DCDC2: variants seen among roughly 807,000 people sequenced by gnomAD.
DCDC2 encodes the protein doublecortin domain containing 2, also known as doublecortin domain-containing protein 2.
DCDC2 carries 40 observed loss-of-function variants against 50.2 expected under a neutral mutation model. That is an observed-to-expected ratio of 0.80 (90% confidence interval 0.62 to 1.04). The LOEUF is 1.04. Among genes scored for constraint, DCDC2 ranks in the 50% least tolerant of loss-of-function variants. DCDC2 has a pLI of 0.00. For synonymous variants in DCDC2, 234 were observed against 210.6 expected (o/e 1.11, Z -0.96); for missense variants, 570 against 581.9 (o/e 0.98, Z 0.21).
At chr6:24,209,407 T>C (rs1433936336) in intron 7 of DCDC2, among the ~76,000 whole-genome samples, 1 of 152,190 alleles carries the variant, frequency 6.6e-6, no homozygotes, top group African/African-American at 2.4e-5. Context: ...CCACGACTCA[T>C]GAAGGGTGAG....
chr6:24,237,629 T>C (rs375768793), intron 7 of DCDC2, among the ~76,000 whole-genome samples: 24 of 152,332 alleles, frequency 1.6e-4, no homozygotes, highest in African/African-American at 5.1e-4. Flanking sequence ...TGTATGTTCA[T>C]TGCAGGACTA....
At position 24,174,605 on chromosome 6, in the gene DCDC2, A is replaced by T; in HGVS notation, c.*125T>A. 1.7e-6 allele frequency: 1 copy of T among 581,982 alleles called. No homozygotes were observed. 36.1% of individuals were successfully genotyped at this position (581,982 alleles called of 1,614,324 possible). On this transcript the variant is annotated 3_prime_UTR_variant, in exon 10 of 10. Transcript: ENST00000378454. Reference sequence around the variant, plus strand: ...GTCTTTCCACTAGGCTTCTAATGTTATAATTCGTAGGTAGTATTCGACCAT... The same window carrying T: ...GTCTTTCCACTAGGCTTCTAATGTTTTAATTCGTAGGTAGTATTCGACCAT...
intron 8 of DCDC2, among the ~76,000 whole-genome samples, chr6:24,182,156 A>T (rs543154780): frequency 1.3e-5 from 2 of 152,346 alleles, no homozygotes; most frequent in East Asian, 3.9e-4. Flanking sequence ...TGTACAAAAA[A>T]TAGCTTCAAA....
intron 6 of DCDC2, among the ~76,000 whole-genome samples, chr6:24,284,855 C>G (rs1763560292): frequency 6.6e-6 from 1 of 152,108 alleles, no homozygotes. Context: ...CCGGCCTCAT[C>G]CCTGGCACAA....
chr6:24,369,525 G>A, the DCDC2 span, among the ~76,000 whole-genome samples: 35 of 150,802 alleles, frequency 2.3e-4, no homozygotes, highest in African/African-American at 7.5e-4. Context: ...CAAGAGAATC[G>A]CTTGAACCTG....
chr6:24,202,215 T>C (rs1761604569), intron 8 of DCDC2, among the ~76,000 whole-genome samples: 1 of 152,182 alleles, frequency 6.6e-6, no homozygotes, highest in South Asian at 2.1e-4. Flanking sequence ...CTGATGAATA[T>C]TGACACCAAA....
At chr6:24,311,708 G>A (rs550387678) in intron 2 of DCDC2, among the ~76,000 whole-genome samples, 2 of 152,240 alleles carry the variant, frequency 1.3e-5, no homozygotes, top group African/African-American at 4.8e-5. Context: ...ATCTCTCAAG[G>A]TCATGCAGTA....
intron 3 of DCDC2, 41 bp from the exon 4 acceptor site, chr6:24,301,887 T>G (rs1278727622): frequency 5.6e-6 from 9 of 1,613,470 alleles, no homozygotes; most frequent in Non-Finnish European, 7.6e-6. Context: ...AGTTATGCCT[T>G]GAAAACTACA....
At chr6:24,273,694 G>A (rs1443904395) in intron 7 of DCDC2, among the ~76,000 whole-genome samples, 1 of 152,198 alleles carries the variant, frequency 6.6e-6, no homozygotes, top group Non-Finnish European at 1.5e-5. Context: ...AAGTGCCTGG[G>A]TTGATTCATG....
chr6:24,244,337 A>T (rs182865161), intron 7 of DCDC2, among the ~76,000 whole-genome samples: 1 of 152,368 alleles, frequency 6.6e-6, no homozygotes, highest in African/African-American at 2.4e-5. Context: ...TCTTCAAAAA[A>T]GTATGTGATT....
chr6:24,355,308 A>G (rs1186964729), intron 1 of DCDC2, among the ~76,000 whole-genome samples: 1 of 152,142 alleles, frequency 6.6e-6, no homozygotes, highest in Non-Finnish European at 1.5e-5. Flanking sequence ...GGTAGGATCA[A>G]ATAAACAAAA....
intron 7 of DCDC2, among the ~76,000 whole-genome samples, chr6:24,206,215 C>A (rs1292112507): frequency 6.6e-6 from 1 of 152,026 alleles, no homozygotes; most frequent in Non-Finnish European, 1.5e-5. Context: ...AGGAGACAGC[C>A]TAAGATATGA....
the DCDC2 span, among the ~76,000 whole-genome samples, chr6:24,379,285 A>G: frequency 1.6e-4 from 25 of 152,338 alleles, no homozygotes; most frequent in South Asian, 3.5e-3. Flanking sequence ...TTTGCAATCT[A>G]TCCATCTGAC....
At chr6:24,239,460 C>T (rs143979744) in intron 7 of DCDC2, among the ~76,000 whole-genome samples, 6 of 152,242 alleles carry the variant, frequency 3.9e-5, no homozygotes, top group East Asian at 1.9e-4. Context: ...GATAGTTGAC[C>T]GGCTCAAAGC....
At chr6:24,257,473 T>C (rs1561746086) in intron 7 of DCDC2, among the ~76,000 whole-genome samples, 1 of 152,176 alleles carries the variant, frequency 6.6e-6, no homozygotes, top group Non-Finnish European at 1.5e-5. Context: ...GTAATACACC[T>C]GCTGTAAAGT....
chr6:24,264,209 G>A (rs1486381408), intron 7 of DCDC2, among the ~76,000 whole-genome samples: 1 of 152,158 alleles, frequency 6.6e-6, no homozygotes, highest in Non-Finnish European at 1.5e-5. Context: ...ATCAATACCA[G>A]ACCTATCTTA....
the DCDC2 span, among the ~76,000 whole-genome samples, chr6:24,372,754 C>G: frequency 6.6e-6 from 1 of 150,586 alleles, no homozygotes; most frequent in Non-Finnish European, 1.5e-5. Context: ...CATCACACAC[C>G]GGGGCCAGTC....
intron 2 of DCDC2, among the ~76,000 whole-genome samples, chr6:24,346,788 T>A (rs778943373): frequency 2.0e-5 from 3 of 151,698 alleles, no homozygotes; most frequent in Non-Finnish European, 2.9e-5. Context: ...CACATAAACT[T>A]GTATGGGTGA....
intron 9 of DCDC2, among the ~76,000 whole-genome samples, chr6:24,175,492 C>G (rs967220206): frequency 1.3e-5 from 2 of 152,196 alleles, no homozygotes; most frequent in Non-Finnish European, 1.5e-5. Flanking sequence ...ACAGCCCCCA[C>G]AAGGGCACCC....
Sources: gnomAD v4.1 joint callset for allele counts (sites outside exome capture counted in the v4.1 genomes callset) on GRCh38, gnomAD v4.1.1 for gene constraint, MANE v1.5 for transcripts, NCBI Gene and HGNC (gene_info 2026-07-23, HGNC 2026-07-21) for gene names.